Variants in SMUG1 observed in about 807,000 individuals in gnomAD.
The protein encoded by SMUG1 is single-strand selective monofunctional uracil DNA glycosylase.
SMUG1 carries 13 observed loss-of-function variants against 23.9 expected under a neutral mutation model. The observed-to-expected ratio is 0.54, with a 90% CI of 0.35 to 0.86. The LOEUF (loss-of-function observed/expected upper bound fraction) is 0.86, where lower values mean the gene tolerates loss of function less well. Ranked by LOEUF, SMUG1 falls within the 40% of genes least tolerant of loss-of-function variation. SMUG1 has a pLI of 0.01. For missense variants in SMUG1, 313 were observed against 339.5 expected, an observed-to-expected ratio of 0.92 and a Z score of 0.61; for synonymous variants, 133 against 139.8, an observed-to-expected ratio of 0.95 and a Z score of 0.34.
chr12:54,176,671 G>T (rs1940765747), downstream of SMUG1, among the ~76,000 whole-genome samples: 3 of 150,696 alleles, frequency 2.0e-5, no homozygotes, highest in Admixed American at 2.0e-4. Context: ...GCCGGGCGTG[G>T]TAGCGGGCGC....
Position 54,183,827 on chromosome 12 carries a change from GAGCCGAAGCTCCTCCTCCAGGA to G in SMUG1, c.92_113del (p.Phe31SerfsTer5). 6.2e-7 allele frequency: 1 copy of G among 1,613,952 alleles called. No individual in the cohort carries two copies. Among genetic ancestry groups the G allele is most frequent in the Non-Finnish European group, 8.5e-7 (1 of 1,179,948 alleles). On this transcript the variant is annotated frameshift_variant, in exon 3 of 4. Coordinates refer to ENST00000682136, the MANE Select transcript of SMUG1 (RefSeq NM_001243787.2). LOFTEE classifies it high-confidence loss of function. ...ACTGCAGCTGGCTCAGCTCAGCATTGAGCCGAAGCTCCTCCTCCAGGAAGCTCTCAGCCAAGCTTCCAGGGCA... is the reference window on the plus strand; with the variant it reads ...ACTGCAGCTGGCTCAGCTCAGCATTGAGCTCTCAGCCAAGCTTCCAGGGCA...
intron 2 of SMUG1, among the ~76,000 whole-genome samples, chr12:54,184,491 T>A (rs989340686): frequency 6.6e-6 from 1 of 152,188 alleles, no homozygotes; most frequent in Non-Finnish European, 1.5e-5. Context: ...GTACACCTCA[T>A]TGATCCTCAC....
downstream of SMUG1, among the ~76,000 whole-genome samples, chr12:54,176,274 C>G (rs1940746583): frequency 6.6e-6 from 1 of 151,846 alleles, no homozygotes; most frequent in African/African-American, 2.4e-5. Context: ...AATCCCAGCA[C>G]TTTAGGAGGC....
intron 3 of SMUG1, chr12:54,183,134 C>G (rs549008805): frequency 5.2e-6 from 1 of 191,040 alleles, no homozygotes; most frequent in East Asian, 1.4e-4. Flanking sequence ...TCCCCTCCCC[C>G]ACCTGCCAAG....
rs1367448663 is a variant in SMUG1 at position 54,181,445 on chromosome 12, C to T, written c.*651G>A. 4 of 993,368 alleles carry T rather than the reference C, an allele frequency of 4.0e-6. No homozygotes were observed. In the African/African-American group the frequency reaches 4.8e-5, roughly 12 times the overall value. 61.5% of individuals were successfully genotyped at this position (993,368 alleles called of 1,614,324 possible). On this transcript the variant is annotated 3_prime_UTR_variant, in exon 4 of 4. Transcript: ENST00000682136. ...CCTCACACCAACCCCATAAGGTAGG[C>T]ATCCCTGTTTTACAGATGAGGAGCC...
intron 3 of SMUG1, among the ~76,000 whole-genome samples, chr12:54,165,803 T>C (rs1318112450): frequency 6.6e-6 from 1 of 152,166 alleles, no homozygotes; most frequent in East Asian, 1.9e-4. Flanking sequence ...GAATGGACAG[T>C]TACTGCAGAG....
At chr12:54,185,890 GAAGA>G (rs1027918197) in intron 2 of SMUG1, among the ~76,000 whole-genome samples, 13 of 152,092 alleles carry the variant, frequency 8.5e-5, no homozygotes, top group Admixed American at 8.5e-4. Flanking sequence ...GGGAGAGGAA[GAAGA>G]AAGGGAAGAG....
At chr12:54,172,944 G>T (rs1294810916) in intron 2 of SMUG1, 1 of 152,538 alleles carries the variant, frequency 6.6e-6, no homozygotes. Flanking sequence ...CGGGCACACA[G>T]GTGGAGAAAG....
downstream of SMUG1, among the ~76,000 whole-genome samples, chr12:54,160,793 G>A (rs531113709): frequency 5.9e-5 from 9 of 152,146 alleles, no homozygotes; most frequent in African/African-American, 1.7e-4. Context: ...AAAGAATCCC[G>A]ACTCTAGTCA....
chr12:54,186,350 GT>G (rs113586007), intron 2 of SMUG1, among the ~76,000 whole-genome samples: 25,842 of 74,596 alleles, frequency 0.35, 2,559 homozygotes, highest in African/African-American at 0.39. Flanking sequence ...GTTTTGTTTT[GT>G]TTTTTTTTTG....
intron 2 of SMUG1, 79 bp from the exon 3 acceptor site, chr12:54,184,038 C>A: frequency 8.0e-7 from 1 of 1,245,270 alleles, no homozygotes; most frequent in African/African-American, 1.5e-5. Context: ...AGGGCCCCCA[C>A]TACCATTTCC....
intron 4 of SMUG1, among the ~76,000 whole-genome samples, chr12:54,159,432 A>G (rs1180777862): frequency 6.6e-6 from 1 of 152,050 alleles, no homozygotes; most frequent in Non-Finnish European, 1.5e-5. Flanking sequence ...GGACAACCTG[A>G]GAATGACCTT....
At chr12:54,170,678 C>T (rs979781043) in intron 3 of SMUG1, among the ~76,000 whole-genome samples, 1 of 152,206 alleles carries the variant, frequency 6.6e-6, no homozygotes, top group Non-Finnish European at 1.5e-5. Context: ...TTCACTGCAG[C>T]CTCAATCTCC....
At chr12:54,185,359 C>T (rs926598014) in intron 2 of SMUG1, among the ~76,000 whole-genome samples, 5 of 150,876 alleles carry the variant, frequency 3.3e-5, no homozygotes, top group Non-Finnish European at 7.4e-5. Flanking sequence ...CCCAGCTACT[C>T]GGGAGGCTGA....
chr12:54,179,034 CA>C (rs1473839405), downstream of SMUG1, among the ~76,000 whole-genome samples: 2 of 152,218 alleles, frequency 1.3e-5, no homozygotes, highest in Non-Finnish European at 2.9e-5. Context: ...TGCCCTCACA[CA>C]TTAGACTCTT....
intron 3 of SMUG1, among the ~76,000 whole-genome samples, chr12:54,170,475 C>T (rs1940587750): frequency 6.6e-6 from 1 of 152,088 alleles, no homozygotes; most frequent in South Asian, 2.1e-4. Context: ...CCAATGAGGG[C>T]CTGGCCACCA....
downstream of SMUG1, chr12:54,162,172 AG>A (rs1268081059): frequency 6.5e-6 from 1 of 152,988 alleles, no homozygotes; most frequent in Admixed American, 6.5e-5. Context: ...CAGAGAAGCA[AG>A]GAACACTGAT....
At chr12:54,160,597 C>G (rs1255293837), downstream of SMUG1, among the ~76,000 whole-genome samples, 1 of 152,198 alleles carries the variant, frequency 6.6e-6, no homozygotes, top group Non-Finnish European at 1.5e-5. Context: ...CCACACACCC[C>G]ACCCCTCTCT....
rs1941403787 is a variant in SMUG1 at position 54,182,728 on chromosome 12, C to A, written c.286-105G>T. On this transcript the variant is annotated intron_variant, in intron 3 of 3. Transcript: ENST00000682136. The stretch of plus-strand genomic sequence containing the variant: ...ACCTTACATGAGGATCCAGCCTGCA[C>A]CCCCTACCCCTACCTTCACCCAAAG... 4.7e-6 allele frequency: 7 copies of A among 1,499,146 alleles called. No homozygotes were observed. In the East Asian group the frequency reaches 1.2e-4, roughly 25 times the overall value. The allele number at this position is 1,499,146 out of a possible 1,614,324, so 92.9% of individuals were successfully genotyped here.
Sources: allele counts gnomAD v4.1 joint callset (sites outside exome capture counted in the v4.1 genomes callset), GRCh38; gene constraint gnomAD v4.1.1; transcripts MANE v1.5; gene names NCBI Gene and HGNC (gene_info 2026-07-23, HGNC 2026-07-21).